Variants in STAT5B observed in about 807,000 individuals in gnomAD.
The protein encoded by STAT5B is signal transducer and activator of transcription 5B, also known as transcription factor STAT5B.
In STAT5B, 21 loss-of-function variants were observed where a neutral mutation model predicts 107.8. The ratio of observed to expected loss-of-function variants is 0.19; its 90% CI spans 0.14 to 0.28. STAT5B has a LOEUF of 0.28. STAT5B is among the 10% of genes least tolerant of loss of function. The probability of loss-of-function intolerance (pLI) is 1.00; values close to 1 mark genes in which losing one functional copy is unlikely to be tolerated. For missense variants in STAT5B, 565 were observed against 1,008.2 expected (o/e 0.56, Z 5.95); for synonymous variants, 325 against 401.7 (o/e 0.81, Z 2.28).
chr17:42,272,666 A>G lies in STAT5B; in HGVS notation c.-11+3582T>C, dbSNP rs908082883. 2.6e-5 allele frequency: 4 copies of G among 152,172 alleles called. No homozygotes were observed. The East Asian group carries it at 7.7e-4, about 29-fold the overall frequency. The allele number at this position is 152,172 out of a possible 1,614,324, so 9.4% of individuals were successfully genotyped here. On this transcript the variant is annotated intron_variant, in intron 1 of 18. Transcript: ENST00000293328. ...ATGGCATCTGATGTTTGTCTGTATA[A>G]GTTTAAAATAAAAATGTGACACTAC...
At chr17:42,252,136 T>A (rs1247722594) in intron 1 of STAT5B, among the ~76,000 whole-genome samples, 1 of 152,182 alleles carries the variant, frequency 6.6e-6, no homozygotes, top group Non-Finnish European at 1.5e-5. Flanking sequence ...GACACTCTGA[T>A]ACAGAAGGCA....
At chr17:42,218,603 G>T in intron 8 of STAT5B, 120 bp downstream of exon 8, 10 of 1,569,334 alleles carry the variant, frequency 6.4e-6, no homozygotes, top group South Asian at 1.2e-5. Context: ...AACTGGAGAT[G>T]GAGTTGGGAG....
the STAT5B span, among the ~76,000 whole-genome samples, chr17:42,283,431 G>A: frequency 3.3e-5 from 5 of 152,144 alleles, no homozygotes; most frequent in African/African-American, 4.8e-5. Flanking sequence ...TCTTCTCTTC[G>A]TCCAGAAAGA....
At chr17:42,212,787 A>C (rs2080140251) in intron 12 of STAT5B, among the ~76,000 whole-genome samples, 1 of 152,226 alleles carries the variant, frequency 6.6e-6, no homozygotes, top group Non-Finnish European at 1.5e-5. Context: ...TTTTGTTACA[A>C]ACACTTTTTT....
intron 1 of STAT5B, among the ~76,000 whole-genome samples, chr17:42,256,165 T>C (rs909318767): frequency 6.6e-6 from 1 of 152,196 alleles, no homozygotes; most frequent in Non-Finnish European, 1.5e-5. Flanking sequence ...TTTTGCCTAA[T>C]AAACTCACAT....
At chr17:42,281,195 T>C (rs1431283227), upstream of STAT5B, among the ~76,000 whole-genome samples, 1 of 152,016 alleles carries the variant, frequency 6.6e-6, no homozygotes, top group Admixed American at 6.6e-5. Context: ...GTCTAGGTAC[T>C]TAATGTCTCT....
intron 1 of STAT5B, among the ~76,000 whole-genome samples, chr17:42,265,905 T>C (rs549709356): frequency 6.6e-6 from 1 of 152,278 alleles, no homozygotes; most frequent in African/African-American, 2.4e-5. Flanking sequence ...GTAGTTCTTC[T>C]TTTGTTCATT....
At chr17:42,249,418 T>C (rs1008217581) in intron 1 of STAT5B, among the ~76,000 whole-genome samples, 1 of 151,638 alleles carries the variant, frequency 6.6e-6, no homozygotes, top group Admixed American at 6.6e-5. Flanking sequence ...AAAAAGAAGA[T>C]GGTATTTTAG....
At chr17:42,287,333 C>CCCCCA in the STAT5B span, among the ~76,000 whole-genome samples, 4 of 150,712 alleles carry the variant, frequency 2.7e-5, no homozygotes, top group African/African-American at 7.5e-5. Flanking sequence ...AGAATGCACC[C>CCCCCA]CCCCCAACAG....
At chr17:42,224,214 G>A (rs898913796) in intron 4 of STAT5B, among the ~76,000 whole-genome samples, 4 of 152,156 alleles carry the variant, frequency 2.6e-5, no homozygotes, top group Non-Finnish European at 4.4e-5. Context: ...ATTCTCACCT[G>A]AATATGAGCA....
At chr17:42,264,204 TTTTAA>T (rs2080646184) in intron 1 of STAT5B, among the ~76,000 whole-genome samples, 3 of 152,224 alleles carry the variant, frequency 2.0e-5, no homozygotes, top group South Asian at 2.1e-4. Context: ...AATCTTTTTT[TTTTAA>T]TTTATTTATT....
At chr17:42,218,424 A>G in intron 8 of STAT5B, 94 bp from the exon 9 acceptor site, 1 of 1,543,370 alleles carries the variant, frequency 6.5e-7, no homozygotes, top group Non-Finnish European at 8.8e-7. Flanking sequence ...CTGCCTCCCG[A>G]GGGGCTCAGG....
intron 1 of STAT5B, among the ~76,000 whole-genome samples, chr17:42,261,470 A>T (rs2080596080): frequency 6.6e-6 from 1 of 152,234 alleles, no homozygotes; most frequent in Admixed American, 6.5e-5. Flanking sequence ...GTATTCCCCA[A>T]ACTGGCTTAA....
intron 1 of STAT5B, chr17:42,234,251 G>C (rs2080340202): frequency 6.6e-6 from 1 of 152,176 alleles, no homozygotes; most frequent in Admixed American, 6.5e-5. Flanking sequence ...CCAACAATGA[G>C]GTGTAGGGGA....
At chr17:42,225,199 G>C (rs1385801269) in intron 3 of STAT5B, among the ~76,000 whole-genome samples, 2 of 151,686 alleles carry the variant, frequency 1.3e-5, no homozygotes, top group East Asian at 3.9e-4. Flanking sequence ...GGATTACAGG[G>C]GCCCGCCACC....
intron 18 of STAT5B, 139 bp downstream of exon 18, chr17:42,202,200 AG>A (rs2080050448): frequency 9.9e-7 from 1 of 1,007,536 alleles, no homozygotes; most frequent in Non-Finnish European, 1.5e-6. Flanking sequence ...TCCCTCCCAA[AG>A]GCCAGAGCCC....
In STAT5B at chr17:42,206,521, C is replaced by T. The variant is rs148170608; in HGVS notation, c.2077+1037G>A. 1.6e-3 allele frequency among the ~76,000 whole-genome samples: 251 copies of T among 152,272 alleles called. 2 individuals are homozygous for T. Among genetic ancestry groups the T allele is most frequent in the African/African-American group, 5.8e-3 (242 of 41,548 alleles). ...GTGCAAGAATAGTCACTAAATCATC[C>T]ATAGAGGTTAATCTCTAGATGAGAG... On this transcript the variant is annotated intron_variant, in intron 16 of 18. Coordinates refer to ENST00000293328, the MANE Select transcript of STAT5B (RefSeq NM_012448.4).
chr17:42,262,993 TATATATATATATATATATATATAAAA>T (rs1567677384), intron 1 of STAT5B, among the ~76,000 whole-genome samples: 1 of 67,524 alleles, frequency 1.5e-5, no homozygotes, highest in African/African-American at 6.7e-5. Context: ...TATATATATA[TATATATATATATATATATATATAAAA>T]AAACAAAAAC....
chr17:42,240,349 A>G (rs982659577), intron 1 of STAT5B, among the ~76,000 whole-genome samples: 1 of 152,244 alleles, frequency 6.6e-6, no homozygotes, highest in Non-Finnish European at 1.5e-5. Context: ...CGCATGCTAC[A>G]GTGTGGATGA....
Sources: allele counts gnomAD v4.1 joint callset (sites outside exome capture counted in the v4.1 genomes callset), GRCh38; gene constraint gnomAD v4.1.1; transcripts MANE v1.5; gene names NCBI Gene and HGNC (gene_info 2026-07-23, HGNC 2026-07-21).